The following PLXNA3 variants were observed in gnomAD, a reference collection of about 807,000 sequenced individuals.
The protein encoded by PLXNA3 is plexin A3.
A neutral mutation model predicts 118.8 loss-of-function variants in PLXNA3; 52 were observed. That is an observed-to-expected ratio of 0.44 (90% CI 0.35 to 0.55). The LOEUF (loss-of-function observed/expected upper bound fraction) is 0.55. PLXNA3 is among the 20% of genes least tolerant of loss of function. The pLI is 0.01. For missense variants in PLXNA3, 1,660 were observed against 1,730.8 expected, an observed-to-expected ratio of 0.96 and a Z score of 0.73; for synonymous variants, 925 against 762.4, an observed-to-expected ratio of 1.21 and a Z score of -3.51.
intron 4 of PLXNA3, among the ~76,000 whole-genome samples, 186 bp from the exon 5 acceptor site, chrX:154,463,205 G>A (rs1557205400): frequency 9.0e-6 from 1 of 110,644 alleles, no homozygotes; most frequent in African/African-American, 3.3e-5. Flanking sequence ...CCGTCCTTCT[G>A]TTTGCTGAGG....
At position 154,471,223 on chromosome X, in the gene PLXNA3, T is replaced by A; in HGVS notation, c.5275T>A (p.Cys1759Ser). 8.3e-7 allele frequency: 1 copy of A among 1,211,559 alleles called. No individual in the cohort carries two copies. Among genetic ancestry groups the A allele is most frequent in the Non-Finnish European group, 1.1e-6 (1 of 895,107 alleles). Residue 1759 changes from cysteine to serine, a missense_variant, in exon 31 of 33, where the codon TGC becomes AGC. Physicochemically the swap from Cys to Ser is moderately radical, Grantham distance 112. Around this residue, in one of 2 missense-constraint regions of PLXNA3, gnomAD observed 869 missense variants for 1,078.7 expected, o/e 0.81. Transcript: ENST00000369682. ...GGTAGCCCAGACCTTCATGGACTCCTGCTCTACATCCGAGCACCGCCTGGG... is the reference window on the plus strand; with the variant it reads ...GGTAGCCCAGACCTTCATGGACTCCAGCTCTACATCCGAGCACCGCCTGGG... ...SVVAQTFMDS[C>S]STSEHRLGKD...
intron 32 of PLXNA3, among the ~76,000 whole-genome samples, chrX:154,472,086 C>T (rs1386686926): frequency 9.0e-6 from 1 of 111,016 alleles, no homozygotes; most frequent in Admixed American, 9.6e-5. Context: ...GGCCCCAGGA[C>T]ACAAAGAGGG....
At position 154,473,962 on chromosome X, in the gene PLXNA3, T is replaced by C. The variant is rs2069217522; in HGVS notation, c.*1277T>C. On this transcript the variant is annotated 3_prime_UTR_variant, in exon 33 of 33. Coordinates refer to ENST00000369682, the MANE Select transcript of PLXNA3 (RefSeq NM_017514.5). ...AGCGTGGGAGGCAGAGAGATCCTGT[T>C]ATGATATAAGGTGGATCATGTTGCC... 1 of 111,561 alleles carries C rather than the reference T, an allele frequency of 9.0e-6. No individual in the cohort carries two copies. The allele number at this position is 111,561 out of a possible 1,213,427, so 9.2% of individuals were successfully genotyped here. A position where few individuals can be genotyped will look rare whatever the true frequency, so the allele number is the denominator to read the frequency against.
At position 154,460,598 on chromosome X, in the gene PLXNA3, G is replaced by C; in HGVS notation, c.415G>C (p.Glu139Gln). The change falls in exon 2 of 33, where the codon GAG becomes CAG. Residue 139 changes from glutamate to glutamine, a missense_variant. Physicochemically the swap from Glu to Gln is conservative, Grantham distance 29. Transcript: ENST00000369682. ...GCTGGGTGAGCCGCACCACCGCAAG[G>C]AGCACTACCTGTCGGGGGCCCAGGA... Reference protein sequence around the residue: ...FKLGEPHHRKEHYLSGAQEPD... With the variant: ...FKLGEPHHRKQHYLSGAQEPD... 8.3e-7 allele frequency: 1 copy of C among 1,199,506 alleles called. No individual in the cohort carries two copies.
chrX:154,470,235 C>A, intron 29 of PLXNA3, 68 bp downstream of exon 29: 1 of 1,086,394 alleles, frequency 9.2e-7, no homozygotes, highest in Non-Finnish European at 1.3e-6. Context: ...GGGGAGGGGC[C>A]ATGGATCATT....
Position 154,467,249 on chromosome X carries a change from C to T in PLXNA3, c.3219C>T (p.Asn1073=), listed in dbSNP as rs56277624. The T allele has an allele frequency of 5.2e-3, 6,326 of 1,208,794 alleles. 50 individuals carry two copies. Among genetic ancestry groups the T allele is most frequent in the Middle Eastern group, 0.037 (163 of 4,349 alleles). ...CCCCACAGACATGCCAAGTGATCAACGACACTGCCATGCTGTGTAAGGCCC... is the reference window on the plus strand; with the variant it reads ...CCCCACAGACATGCCAAGTGATCAATGACACTGCCATGCTGTGTAAGGCCC... ...IETTNTCQVI[N]DTAMLCKAPG... Residue 1073 remains asparagine (N), a synonymous_variant, in exon 19 of 33, where the codon AAC becomes AAT. Coordinates refer to ENST00000369682, the MANE Select transcript of PLXNA3 (RefSeq NM_017514.5).
intron 6 of PLXNA3, 85 bp downstream of exon 6, chrX:154,463,775 C>T (rs2069022006): frequency 4.1e-6 from 4 of 973,851 alleles, no homozygotes; most frequent in Non-Finnish European, 5.6e-6. Context: ...CCCTTGCGGC[C>T]TCCCCCCGCC....
In PLXNA3 at chrX:154,460,279, G is replaced by C; in HGVS notation, c.96G>C (p.Thr32=). 8.3e-7 allele frequency: 1 copy of C among 1,209,198 alleles called. No homozygotes were observed. The change falls in exon 2 of 33, where the codon ACG becomes ACC. Residue 32 remains threonine (T), a synonymous_variant. Transcript: ENST00000369682. ...PFRAFVVTDT[T]LTHLAVHRVT... ...GTGCCTTCGTGGTGACAGACACCAC[G>C]CTTACCCACCTGGCTGTGCACCGGG...
rs201108569 is a variant in PLXNA3 at position 154,465,726 on chromosome X, A to C, written c.2411A>C (p.Asn804Thr). The C allele has an allele frequency of 8.3e-7, 1 of 1,210,297 alleles. No homozygotes were observed. Among genetic ancestry groups the C allele is most frequent in the East Asian group, 3.0e-5 (1 of 33,861 alleles). ...TGCCTCAAGGCTGATCCCCGCTTCAACTGTGGCTGGTGCATCTCAGAGCAC... is the reference window on the plus strand; with the variant it reads ...TGCCTCAAGGCTGATCCCCGCTTCACCTGTGGCTGGTGCATCTCAGAGCAC... ...GLCLKADPRF[N>T]CGWCISEHRC... The change falls in exon 13 of 33, where the codon AAC becomes ACC. Residue 804 changes from asparagine (N) to threonine (T), a missense_variant. Coordinates refer to ENST00000369682, the MANE Select transcript of PLXNA3 (RefSeq NM_017514.5).
At chrX:154,470,693 G>C in intron 30 of PLXNA3, 82 bp downstream of exon 30, 1 of 929,348 alleles carries the variant, frequency 1.1e-6, no homozygotes, top group Non-Finnish European at 1.5e-6. Flanking sequence ...GAGACCCAGG[G>C]CCTGGAGTAG....
chrX:154,460,957 G>GAA, intron 2 of PLXNA3, 142 bp from the exon 3 acceptor site: 4 of 642,795 alleles, frequency 6.2e-6, no homozygotes, highest in Non-Finnish European at 9.3e-6. Context: ...CAGGGAGGCT[G>GAA]GTCACCCTGC....
At chrX:154,465,312 C>A in intron 11 of PLXNA3, 94 bp downstream of exon 11, 1 of 1,037,716 alleles carries the variant, frequency 9.6e-7, no homozygotes, top group Non-Finnish European at 1.3e-6. Context: ...AGGGAACTGT[C>A]TGAGTCTCCT....
rs2069097165 is a variant in PLXNA3 at position 154,466,975 on chromosome X, C to T, written c.3108-82C>T. 3 of 965,658 alleles carry T rather than the reference C, an allele frequency of 3.1e-6. No individual in the cohort carries two copies. The South Asian group carries it at 6.2e-5, about 20-fold the overall frequency. The allele number at this position is 965,658 out of a possible 1,213,427, so 79.6% of individuals were successfully genotyped here. On this transcript the variant is annotated intron_variant, in intron 17 of 32. Coordinates refer to ENST00000369682, the MANE Select transcript of PLXNA3 (RefSeq NM_017514.5). ...GATCCAGGGTCAGGGAAGGCCTGGG[C>T]TGCCATGGCAGCCTTGATCGCTCTC...
At chrX:154,466,338 C>T (rs782162671) in intron 15 of PLXNA3, 38 bp from the exon 16 acceptor site, 23 of 1,210,040 alleles carry the variant, frequency 1.9e-5, no homozygotes, top group Middle Eastern at 2.3e-4. Context: ...TGGAGCAGCC[C>T]GGCCCGGCTC....
intron 6 of PLXNA3, 83 bp from the exon 7 acceptor site, chrX:154,463,868 G>T: frequency 9.0e-7 from 1 of 1,115,831 alleles, no homozygotes. Flanking sequence ...GCCAAGGCTC[G>T]CTGTTGCCTG....
In PLXNA3 at chrX:154,468,419, C is replaced by A; in HGVS notation, c.4080C>A (p.Asp1360Glu). 8.3e-7 allele frequency: 1 copy of A among 1,211,132 alleles called. No individual in the cohort carries two copies. Among genetic ancestry groups the A allele is most frequent in the Non-Finnish European group, 1.1e-6 (1 of 895,440 alleles). ...CCCAGAGCAGCTTCTCCATGCGCGACCGCGGCACCGTGGCCTCGCTCACCA... is the reference window on the plus strand; with the variant it reads ...CCCAGAGCAGCTTCTCCATGCGCGAACGCGGCACCGTGGCCTCGCTCACCA... ...LEAQSSFSMR[D>E]RGTVASLTMV... The change falls in exon 23 of 33, where the codon GAC becomes GAA. Residue 1360 changes from aspartate to glutamate, a missense_variant. By Grantham distance (45) the Asp-to-Glu change is conservative. This residue lies in a region of PLXNA3 where 869 missense variants were observed against 1,078.7 expected (regional missense o/e 0.81). Transcript: ENST00000369682.
rs145617684 is a variant in PLXNA3, at chrX:154,461,353, C to G, written c.849C>G (p.Ser283=). Residue 283 remains serine (S), a synonymous_variant, in exon 3 of 33, where the codon TCC becomes TCG. Coordinates refer to ENST00000369682, the MANE Select transcript of PLXNA3 (RefSeq NM_017514.5). The part of the protein sequence containing the change: ...YSYVEFPIGC[S]WRGVEYRLVQ... ...ACGTGGAATTCCCCATCGGCTGCTC[C>G]TGGCGCGGCGTGGAGTACCGCTTGG... 15 of 1,211,383 alleles carry G rather than the reference C, an allele frequency of 1.2e-5. No individual in the cohort carries two copies. Among genetic ancestry groups the G allele is most frequent in the Non-Finnish European group, 1.7e-5 (15 of 895,469 alleles).
chrX:154,466,243 G>T lies in PLXNA3; in HGVS notation c.2772G>T (p.Thr924=), dbSNP rs781801174. 1 of 1,208,787 alleles carries T rather than the reference G, an allele frequency of 8.3e-7. No individual in the cohort carries two copies. The highest frequency in any genetic ancestry group is 1.1e-6 in the Non-Finnish European group (1 of 895,411). Reference sequence around the variant, plus strand: ...GTGACTGTTCAGCCGACTTCCGCACGCAGTCGGAGCAGGTCTACAGCTTTG... The same window carrying T: ...GTGACTGTTCAGCCGACTTCCGCACTCAGTCGGAGCAGGTCTACAGCTTTG... ...CVGDCSADFR[T]QSEQVYSFVT... Residue 924 remains threonine, a synonymous_variant, in exon 15 of 33, where the codon ACG becomes ACT. Transcript: ENST00000369682.
Position 154,463,282 on chromosome X carries a change from A to G in PLXNA3, c.1318-109A>G, listed in dbSNP as rs782639766. The G allele has an allele frequency of 2.3e-5, 25 of 1,094,393 alleles. No homozygotes were observed. The East Asian group carries it at 2.7e-4, about 12-fold the overall frequency. The allele number at this position is 1,094,393 out of a possible 1,213,427, so 90.2% of individuals were successfully genotyped here. A position where few individuals can be genotyped will look rare whatever the true frequency, so the allele number is the denominator to read the frequency against. Reference sequence around the variant, plus strand: ...GCTGTGGGTGTGAGTGCTGAACCCCACCAGGTCCTGACGTCAGCTCAGCCA... The same window carrying G: ...GCTGTGGGTGTGAGTGCTGAACCCCGCCAGGTCCTGACGTCAGCTCAGCCA... On this transcript the variant is annotated intron_variant, in intron 4 of 32. Coordinates refer to ENST00000369682, the MANE Select transcript of PLXNA3 (RefSeq NM_017514.5).
Sources: gnomAD v4.1 joint callset for allele counts (sites outside exome capture counted in the v4.1 genomes callset) on GRCh38, gnomAD v4.1.1 for gene constraint, gnomAD v4.1.1 regional missense constraint, MANE v1.5 for transcripts, NCBI Gene and HGNC (gene_info 2026-07-23, HGNC 2026-07-21) for gene names.